TEAD1: variants seen among roughly 807,000 people sequenced by gnomAD.
TEAD1 encodes TEA domain transcription factor 1, also known as transcriptional enhancer factor TEF-1.
In TEAD1, 9 loss-of-function variants were observed where a neutral mutation model predicts 54.9. The observed-to-expected ratio is 0.16, with a 90% CI of 0.10 to 0.29. The LOEUF (loss-of-function observed/expected upper bound fraction) is 0.29. TEAD1 is among the 10% of genes least tolerant of loss of function. The pLI, the probability that TEAD1 is intolerant of heterozygous loss-of-function variation, is 1.00. For synonymous variants in TEAD1, 200 were observed against 187.8 expected, an observed-to-expected ratio of 1.07 and a Z score of -0.53; for missense variants, 387 against 535.9, an observed-to-expected ratio of 0.72 and a Z score of 2.74.
chr11:12,830,785 TGCAC>T, intron 3 of TEAD1, among the ~76,000 whole-genome samples: 1 of 152,218 alleles, frequency 6.6e-6, no homozygotes, highest in African/African-American at 2.4e-5. Context: ...CACATGCACA[TGCAC>T]ATTCACATTG....
At chr11:12,770,557 G>A (rs999680141) in intron 3 of TEAD1, among the ~76,000 whole-genome samples, 3 of 152,156 alleles carry the variant, frequency 2.0e-5, no homozygotes, top group African/African-American at 7.2e-5. Flanking sequence ...ATTGCTATAG[G>A]ATGTGCGATC....
intron 9 of TEAD1, among the ~76,000 whole-genome samples, chr11:12,898,867 C>T (rs1482824197): frequency 1.3e-5 from 2 of 152,224 alleles, no homozygotes; most frequent in Non-Finnish European, 2.9e-5. Context: ...GCTTTACACT[C>T]AGCACCTTGC....
At position 12,940,655 on chromosome 11, in the gene TEAD1, C is replaced by T. The variant is rs1949153037; in HGVS notation, c.*3433C>T. 6.6e-6 allele frequency: 1 copy of T among 152,310 alleles called. No homozygotes were observed. The highest frequency in any genetic ancestry group is 2.4e-5 in the African/African-American group (1 of 41,560). The allele number at this position is 152,310 out of a possible 1,614,324, so 9.4% of individuals were successfully genotyped here. On this transcript the variant is annotated 3_prime_UTR_variant, in exon 13 of 13. Coordinates refer to ENST00000527636, the MANE Select transcript of TEAD1 (RefSeq NM_021961.6). ...AGCTGGTCACCATCATCCCTTTAAT[C>T]AACTCACACCTGTTTAAAGAGTGTT...
chr11:12,827,764 G>A (rs973359126), intron 3 of TEAD1, among the ~76,000 whole-genome samples: 1 of 152,178 alleles, frequency 6.6e-6, no homozygotes, highest in African/African-American at 2.4e-5. Context: ...TGACACTGGT[G>A]ATATGGGAGA....
intron 3 of TEAD1, among the ~76,000 whole-genome samples, chr11:12,797,912 G>A (rs1945969883): frequency 6.6e-6 from 1 of 151,958 alleles, no homozygotes; most frequent in Admixed American, 6.6e-5. Flanking sequence ...TCTCCTTTGG[G>A]ACATCTTTTG....
intron 6 of TEAD1, 89 bp from the exon 7 acceptor site, chr11:12,880,916 C>G (rs1947953284): frequency 8.3e-6 from 12 of 1,449,138 alleles, no homozygotes; most frequent in Non-Finnish European, 1.2e-5. Context: ...AACCTGCTGT[C>G]TTTTAGCAGG....
chr11:12,789,454 G>GT (rs1364126672), intron 3 of TEAD1, among the ~76,000 whole-genome samples: 69 of 152,338 alleles, frequency 4.5e-4, no homozygotes, highest in African/African-American at 1.5e-3. Context: ...AGACCATACA[G>GT]TTTATGTTAG....
intron 11 of TEAD1, among the ~76,000 whole-genome samples, chr11:12,927,206 C>A (rs1023061588): frequency 6.6e-6 from 1 of 152,124 alleles, no homozygotes; most frequent in Non-Finnish European, 1.5e-5. Flanking sequence ...TACCTTTAAG[C>A]CTTTTATCTG....
chr11:12,795,428 C>A (rs1945894490), intron 3 of TEAD1, among the ~76,000 whole-genome samples: 1 of 152,144 alleles, frequency 6.6e-6, no homozygotes, highest in Admixed American at 6.5e-5. Context: ...GCATGCAATT[C>A]AACCCATAAC....
intron 2 of TEAD1, among the ~76,000 whole-genome samples, chr11:12,720,689 G>C (rs973805601): frequency 1.3e-5 from 2 of 152,142 alleles, no homozygotes; most frequent in Non-Finnish European, 2.9e-5. Context: ...CCCAATAATT[G>C]TAACCAGCAG....
At chr11:12,723,653 CTGT>C in intron 2 of TEAD1, among the ~76,000 whole-genome samples, 1 of 152,244 alleles carries the variant, frequency 6.6e-6, no homozygotes, top group East Asian at 1.9e-4. Flanking sequence ...CCTGTAAGCC[CTGT>C]TGTTGTCTTT....
chr11:12,881,864 C>G, intron 7 of TEAD1, 32 bp from the exon 8 acceptor site: 1 of 1,612,602 alleles, frequency 6.2e-7, no homozygotes, highest in Non-Finnish European at 8.5e-7. Flanking sequence ...GATGCGATCT[C>G]TTAACTCTGT....
chr11:12,859,013 AG>A (rs1490588901), intron 3 of TEAD1, among the ~76,000 whole-genome samples: 1 of 152,222 alleles, frequency 6.6e-6, no homozygotes, highest in Admixed American at 6.5e-5. Flanking sequence ...TAGAAAAGAC[AG>A]TAAAAACATG....
At chr11:12,716,285 T>G (rs1333810161) in intron 2 of TEAD1, among the ~76,000 whole-genome samples, 1 of 152,020 alleles carries the variant, frequency 6.6e-6, no homozygotes, top group South Asian at 2.1e-4. Flanking sequence ...TTAGAACAGG[T>G]AGGTGTCTGC....
intron 2 of TEAD1, among the ~76,000 whole-genome samples, chr11:12,678,849 T>G (rs1196765888): frequency 3.3e-5 from 5 of 152,222 alleles, no homozygotes; most frequent in Admixed American, 2.6e-4. Context: ...ATTTGACCAT[T>G]TTTTCAAATA....
chr11:12,841,238 A>C (rs1249098749), intron 3 of TEAD1, among the ~76,000 whole-genome samples: 2 of 152,170 alleles, frequency 1.3e-5, no homozygotes, highest in East Asian at 3.9e-4. Flanking sequence ...CCATGGATAG[A>C]ATGTAAGCTC....
intron 2 of TEAD1, among the ~76,000 whole-genome samples, chr11:12,741,052 A>G (rs1376064447): frequency 6.6e-6 from 1 of 152,166 alleles, no homozygotes; most frequent in East Asian, 1.9e-4. Context: ...CTGCAATATC[A>G]CTGTCCTAAC....
intron 10 of TEAD1, among the ~76,000 whole-genome samples, chr11:12,916,776 C>T (rs1424407913): frequency 6.6e-6 from 1 of 152,134 alleles, no homozygotes; most frequent in Non-Finnish European, 1.5e-5. Context: ...GAGTGGAGGA[C>T]TGAACTTTGT....
chr11:12,813,861 C>T (rs1946357894), intron 3 of TEAD1, among the ~76,000 whole-genome samples: 1 of 152,156 alleles, frequency 6.6e-6, no homozygotes, highest in Admixed American at 6.5e-5. Flanking sequence ...GTCCTCTCCT[C>T]CTACACCTTG....
Sources: gnomAD v4.1 joint callset for allele counts (sites outside exome capture counted in the v4.1 genomes callset) on GRCh38, gnomAD v4.1.1 for gene constraint, MANE v1.5 for transcripts, NCBI Gene and HGNC (gene_info 2026-07-23, HGNC 2026-07-21) for gene names.